Variants in CHSY3 observed in about 807,000 individuals in gnomAD.
The protein encoded by CHSY3 is N-acetylgalactosaminyl-proteoglycan 3-beta-glucuronosyltransferase 3.
In CHSY3, 35 loss-of-function variants were observed where a neutral mutation model predicts 67.2. The ratio of observed to expected loss-of-function variants is 0.52; its 90% CI spans 0.40 to 0.69. The LOEUF (loss-of-function observed/expected upper bound fraction) is 0.69. CHSY3 is among the 30% of genes least tolerant of loss of function. The pLI, the probability that CHSY3 is intolerant of heterozygous loss-of-function variation, is 0.00. For missense variants in CHSY3, 1,069 were observed against 1,138.5 expected (o/e 0.94, Z 0.88); for synonymous variants, 474 against 434.7 (o/e 1.09, Z -1.12).
chr5:130,155,833 A>G (rs1032298957), intron 2 of CHSY3, among the ~76,000 whole-genome samples: 2 of 152,228 alleles, frequency 1.3e-5, no homozygotes, highest in Non-Finnish European at 2.9e-5. Context: ...GTGAGATTCT[A>G]TTAAGCAGCT....
chr5:130,124,457 C>CT (rs113386866), intron 2 of CHSY3, among the ~76,000 whole-genome samples: 20,206 of 142,568 alleles, frequency 0.14, 1,945 homozygotes, highest in African/African-American at 0.27. Flanking sequence ...ACAGAGCGAA[C>CT]TTTTTTTTTT....
intron 2 of CHSY3, chr5:130,141,068 C>A: frequency 3.8e-6 from 1 of 261,574 alleles, no homozygotes; most frequent in Non-Finnish European, 6.8e-6. Flanking sequence ...GATTTTGTAG[C>A]TTCTCCAGAC....
intron 2 of CHSY3, among the ~76,000 whole-genome samples, chr5:130,160,398 A>T (rs547120517): frequency 6.6e-6 from 1 of 152,166 alleles, no homozygotes; most frequent in Non-Finnish European, 1.5e-5. Flanking sequence ...CCTTTCTCCT[A>T]TCAAAGGCCC....
chr5:130,166,677 AT>A (rs1380915915), intron 2 of CHSY3, among the ~76,000 whole-genome samples: 1 of 152,112 alleles, frequency 6.6e-6, no homozygotes, highest in Non-Finnish European at 1.5e-5. Flanking sequence ...TAATTAGGAT[AT>A]TTTTTCCTAA....
intron 2 of CHSY3, among the ~76,000 whole-genome samples, chr5:130,055,607 A>G (rs1193236754): frequency 6.6e-6 from 1 of 152,082 alleles, no homozygotes; most frequent in African/African-American, 2.4e-5. Context: ...GGCTTTGAGG[A>G]CATAAAATAA....
At chr5:130,107,791 G>GCAAA (rs1047635587) in intron 2 of CHSY3, among the ~76,000 whole-genome samples, 11 of 151,640 alleles carry the variant, frequency 7.3e-5, no homozygotes, top group Admixed American at 2.6e-4. Flanking sequence ...TATCATGCCT[G>GCAAA]CAAAGCAAGC....
chr5:130,039,922 G>T (rs1764962504), intron 2 of CHSY3, among the ~76,000 whole-genome samples: 1 of 152,046 alleles, frequency 6.6e-6, no homozygotes, highest in Non-Finnish European at 1.5e-5. Context: ...ATTTTCCAGG[G>T]TTTCCTTTCA....
At chr5:130,076,386 C>T (rs1766253338) in intron 2 of CHSY3, among the ~76,000 whole-genome samples, 1 of 151,070 alleles carries the variant, frequency 6.6e-6, no homozygotes, top group Non-Finnish European at 1.5e-5. Context: ...TTCTATGCCA[C>T]ATTATAATTA....
chr5:130,027,910 T>C (rs920076686), intron 2 of CHSY3, among the ~76,000 whole-genome samples: 10 of 152,170 alleles, frequency 6.6e-5, no homozygotes, highest in Non-Finnish European at 1.3e-4. Context: ...TTTGCTATTG[T>C]GAATAGTGCT....
chr5:129,982,696 T>G (rs1391588448), intron 2 of CHSY3, among the ~76,000 whole-genome samples: 1 of 152,040 alleles, frequency 6.6e-6, no homozygotes, highest in Non-Finnish European at 1.5e-5. Flanking sequence ...GCTTTAAAAT[T>G]TATGTTAATT....
chr5:129,920,711 T>A (rs373727852), intron 2 of CHSY3, among the ~76,000 whole-genome samples: 1 of 152,284 alleles, frequency 6.6e-6, no homozygotes, highest in Non-Finnish European at 1.5e-5. Flanking sequence ...TTTTACAGTT[T>A]GAAGTGTATC....
At chr5:129,999,123 C>G (rs1208121581) in intron 2 of CHSY3, among the ~76,000 whole-genome samples, 1 of 102,888 alleles carries the variant, frequency 9.7e-6, no homozygotes, top group Non-Finnish European at 2.3e-5. Flanking sequence ...CTCCCCCCTC[C>G]CTTTTTTTTT....
At chr5:129,954,925 G>A (rs956543396) in intron 2 of CHSY3, among the ~76,000 whole-genome samples, 5 of 152,024 alleles carry the variant, frequency 3.3e-5, no homozygotes, top group African/African-American at 7.2e-5. Flanking sequence ...CTGCAGTGCC[G>A]TGGCGCGATC....
chr5:129,920,985 AC>A (rs1352583601), intron 2 of CHSY3, among the ~76,000 whole-genome samples: 2 of 151,924 alleles, frequency 1.3e-5, no homozygotes, highest in African/African-American at 4.8e-5. Flanking sequence ...TGCCCATCTA[AC>A]TTTTTTATTT....
intron 2 of CHSY3, among the ~76,000 whole-genome samples, chr5:129,992,214 C>T (rs1401393874): frequency 2.0e-5 from 3 of 152,114 alleles, no homozygotes. Flanking sequence ...AAGGCACACA[C>T]TTTCTTCACC....
intron 2 of CHSY3, among the ~76,000 whole-genome samples, chr5:129,957,513 A>G (rs1762211675): frequency 6.6e-6 from 1 of 152,160 alleles, no homozygotes; most frequent in African/African-American, 2.4e-5. Context: ...GTGGGAGATA[A>G]ACTGAATGAA....
At chr5:129,972,558 C>T (rs1762673305) in intron 2 of CHSY3, among the ~76,000 whole-genome samples, 1 of 151,578 alleles carries the variant, frequency 6.6e-6, no homozygotes, top group African/African-American at 2.4e-5. Flanking sequence ...AGGGACTCTC[C>T]AAGAAATCTG....
chr5:130,116,492 A>G (rs1260508668), intron 2 of CHSY3, among the ~76,000 whole-genome samples: 1 of 152,238 alleles, frequency 6.6e-6, no homozygotes, highest in East Asian at 1.9e-4. Flanking sequence ...GGGCAGTATT[A>G]ATGCTGTAAC....
intron 2 of CHSY3, among the ~76,000 whole-genome samples, chr5:130,013,602 C>T (rs916222590): frequency 5.3e-5 from 8 of 152,208 alleles, no homozygotes; most frequent in African/African-American, 1.9e-4. Flanking sequence ...CCCAGCTGTA[C>T]CTTGGTCCCT....
Sources: gnomAD v4.1 joint callset for allele counts (sites outside exome capture counted in the v4.1 genomes callset) on GRCh38, gnomAD v4.1.1 for gene constraint, MANE v1.5 for transcripts, NCBI Gene and HGNC (gene_info 2026-07-23, HGNC 2026-07-21) for gene names.